SPAG16: variants seen among roughly 807,000 people sequenced by gnomAD.
SPAG16 encodes sperm associated antigen 16, also known as sperm-associated antigen 16 protein.
In SPAG16, 86 loss-of-function variants were observed where a neutral mutation model predicts 80.4. The observed-to-expected ratio is 1.07, with a 90% CI of 0.90 to 1.28. The LOEUF (loss-of-function observed/expected upper bound fraction) is 1.28. Among genes scored for constraint, SPAG16 ranks in the 50% most tolerant of loss-of-function variants. The pLI is 0.00. For synonymous variants in SPAG16, 294 were observed against 265.9 expected (o/e 1.11, Z -1.03); for missense variants, 870 against 765.3 (o/e 1.14, Z -1.61).
intron 15 of SPAG16, among the ~76,000 whole-genome samples, chr2:214,159,580 T>C (rs773583865): frequency 6.6e-6 from 1 of 152,030 alleles, no homozygotes; most frequent in South Asian, 2.1e-4. Context: ...GCACTTGTGA[T>C]AACTTGTAGT....
At chr2:213,970,856 A>G (rs938201944) in intron 12 of SPAG16, among the ~76,000 whole-genome samples, 6 of 152,212 alleles carry the variant, frequency 3.9e-5, no homozygotes, top group African/African-American at 1.4e-4. Context: ...TAGTTTACAT[A>G]ATTATACCTC....
chr2:214,307,592 A>ATTAGAGATATGTTGTTC (rs1695008310), intron 15 of SPAG16, among the ~76,000 whole-genome samples: 1 of 152,086 alleles, frequency 6.6e-6, no homozygotes, highest in Non-Finnish European at 1.5e-5. Context: ...GATATGTTGT[A>ATTAGAGATATGTTGTTC]TCTTTGTTCT....
At chr2:213,950,482 C>T (rs1346891686) in intron 12 of SPAG16, among the ~76,000 whole-genome samples, 1 of 147,010 alleles carries the variant, frequency 6.8e-6, no homozygotes, top group African/African-American at 2.4e-5. Context: ...ACAGGTCACA[C>T]CGCCCTTTAA....
At chr2:213,306,195 C>T (rs1477551969) in intron 3 of SPAG16, among the ~76,000 whole-genome samples, 1 of 151,110 alleles carries the variant, frequency 6.6e-6, no homozygotes, top group Non-Finnish European at 1.5e-5. Context: ...TCCCCTTTTT[C>T]CTCTTGATTA....
chr2:214,056,528 TA>T (rs34787452), intron 13 of SPAG16, among the ~76,000 whole-genome samples: 103 of 149,270 alleles, frequency 6.9e-4, no homozygotes, highest in East Asian at 2.9e-3. Flanking sequence ...TACTTATTGG[TA>T]AAAAAAAAAA....
intron 9 of SPAG16, among the ~76,000 whole-genome samples, chr2:213,413,935 C>T (rs2069121227): frequency 6.6e-6 from 1 of 152,050 alleles, no homozygotes; most frequent in Non-Finnish European, 1.5e-5. Flanking sequence ...GATCAGAAGC[C>T]CTGGGTCTGG....
At chr2:214,280,602 T>C (rs1273467127) in intron 15 of SPAG16, 2 of 229,134 alleles carry the variant, frequency 8.7e-6, no homozygotes, top group African/African-American at 2.3e-5. Context: ...ATTTATCGTC[T>C]TTCTGAAAAA....
intron 5 of SPAG16, among the ~76,000 whole-genome samples, chr2:213,337,810 C>T (rs966539881): frequency 2.1e-5 from 3 of 143,810 alleles, no homozygotes; most frequent in Non-Finnish European, 4.8e-5. Flanking sequence ...TTCAGGATAT[C>T]ATCCAGAATT....
chr2:213,889,121 T>A (rs2076678601), intron 11 of SPAG16, among the ~76,000 whole-genome samples: 1 of 151,960 alleles, frequency 6.6e-6, no homozygotes. Flanking sequence ...TTAAACAACT[T>A]TGCTGTTTGA....
At chr2:213,810,355 G>T (rs1247469613) in intron 10 of SPAG16, among the ~76,000 whole-genome samples, 1 of 152,054 alleles carries the variant, frequency 6.6e-6, no homozygotes, top group South Asian at 2.1e-4. Context: ...AAGAGTATGA[G>T]GTCTCCCAAA....
chr2:214,403,067 C>T (rs1215671257), intron 15 of SPAG16, among the ~76,000 whole-genome samples: 2 of 150,056 alleles, frequency 1.3e-5, no homozygotes, highest in Non-Finnish European at 3.0e-5. Context: ...AAAAACTCAT[C>T]TGGGCATATC....
intron 10 of SPAG16, among the ~76,000 whole-genome samples, chr2:213,683,425 C>T (rs2064493176): frequency 6.6e-6 from 1 of 152,082 alleles, no homozygotes; most frequent in Admixed American, 6.6e-5. Context: ...GTGGCATGCT[C>T]CTTTAGTCCC....
At chr2:213,639,548 T>A (rs1055690224) in intron 10 of SPAG16, among the ~76,000 whole-genome samples, 1 of 152,200 alleles carries the variant, frequency 6.6e-6, no homozygotes, top group Non-Finnish European at 1.5e-5. Context: ...ATTGTTTTTT[T>A]AAGGAGGCTA....
intron 12 of SPAG16, among the ~76,000 whole-genome samples, chr2:214,001,632 T>C (rs1037597063): frequency 6.6e-6 from 1 of 152,190 alleles, no homozygotes; most frequent in Non-Finnish European, 1.5e-5. Flanking sequence ...CTTTATAATA[T>C]TCAGGTAAAA....
chr2:213,502,991 G>A (rs1456071584), intron 10 of SPAG16, among the ~76,000 whole-genome samples: 1 of 152,194 alleles, frequency 6.6e-6, no homozygotes, highest in Non-Finnish European at 1.5e-5. Flanking sequence ...ATATAGGTGA[G>A]TTTTAAAGAC....
chr2:213,702,075 C>T (rs1162107146), intron 10 of SPAG16, among the ~76,000 whole-genome samples: 5 of 152,026 alleles, frequency 3.3e-5, no homozygotes, highest in Admixed American at 1.3e-4. Flanking sequence ...ACTTGGAGAA[C>T]TTTTATGTCT....
intron 10 of SPAG16, among the ~76,000 whole-genome samples, chr2:213,529,048 T>C (rs902271273): frequency 6.6e-6 from 1 of 152,214 alleles, no homozygotes; most frequent in African/African-American, 2.4e-5. Context: ...GAGCTTCAGA[T>C]ACTCAGGCTG....
intron 11 of SPAG16, among the ~76,000 whole-genome samples, chr2:213,903,778 C>G (rs564860353): frequency 5.2e-4 from 79 of 152,274 alleles, no homozygotes; most frequent in African/African-American, 1.8e-3. Flanking sequence ...CTCTGCTTCC[C>G]TTATAAAACT....
chr2:214,174,265 A>G (rs1303167652), intron 15 of SPAG16, among the ~76,000 whole-genome samples: 4 of 151,972 alleles, frequency 2.6e-5, no homozygotes, highest in African/African-American at 9.7e-5. Flanking sequence ...AAGGGTATTC[A>G]ATTAGGAAAA....
Sources: allele counts gnomAD v4.1 joint callset (sites outside exome capture counted in the v4.1 genomes callset), GRCh38; gene constraint gnomAD v4.1.1; transcripts MANE v1.5; gene names NCBI Gene and HGNC (gene_info 2026-07-23, HGNC 2026-07-21).